The following LDLRAD3 variants were observed in gnomAD, a reference collection of about 807,000 sequenced individuals.
LDLRAD3 encodes low-density lipoprotein receptor class A domain-containing protein 3.
Under a neutral mutation model 29.4 loss-of-function variants are expected in LDLRAD3, and 20 were observed. The observed-to-expected ratio is 0.68, with a 90% CI of 0.48 to 0.99. The LOEUF (loss-of-function observed/expected upper bound fraction) is 0.99, where lower values mean the gene tolerates loss of function less well. Among genes scored for constraint, LDLRAD3 ranks in the 50% least tolerant of loss-of-function variants. The pLI is 0.00. For missense variants in LDLRAD3, 420 were observed against 454.3 expected, an observed-to-expected ratio of 0.92 and a Z score of 0.69; for synonymous variants, 157 against 192.7, an observed-to-expected ratio of 0.81 and a Z score of 1.53.
intron 1 of LDLRAD3, among the ~76,000 whole-genome samples, chr11:35,969,170 C>T (rs766090379): frequency 3.3e-5 from 5 of 152,220 alleles, no homozygotes; most frequent in African/African-American, 4.8e-5. Flanking sequence ...CCTCTGTCTT[C>T]TCGGTCGAGG....
In LDLRAD3 at chr11:36,107,320, C is replaced by T. The variant is rs895226992; in HGVS notation, c.454+8859C>T. On this transcript the variant is annotated intron_variant, in intron 4 of 5. Transcript: ENST00000315571. Reference sequence around the variant, plus strand: ...GGTTCAAGCAGTTCTCCTGCCACAGCCTCCCGAGTAGCTGAGAGGCGCCCG... The same window carrying T: ...GGTTCAAGCAGTTCTCCTGCCACAGTCTCCCGAGTAGCTGAGAGGCGCCCG... 1.4e-4 allele frequency among the ~76,000 whole-genome samples: 22 copies of T among 152,094 alleles called. 1 individual carries two copies. The South Asian group carries it at 3.7e-3, about 26-fold the overall frequency.
chr11:36,195,641 CA>C (rs1427670629), intron 4 of LDLRAD3, among the ~76,000 whole-genome samples: 1 of 152,176 alleles, frequency 6.6e-6, no homozygotes, highest in Non-Finnish European at 1.5e-5. Flanking sequence ...GGCTGCAAAA[CA>C]GCCCTTCGAT....
At chr11:36,015,377 G>C (rs1164786352) in intron 1 of LDLRAD3, among the ~76,000 whole-genome samples, 1 of 133,128 alleles carries the variant, frequency 7.5e-6, no homozygotes, top group East Asian at 2.2e-4. Flanking sequence ...GTGAACTCTT[G>C]GACTTGATAG....
chr11:36,008,516 T>C (rs1851913108), intron 1 of LDLRAD3, among the ~76,000 whole-genome samples: 1 of 152,220 alleles, frequency 6.6e-6, no homozygotes. Flanking sequence ...TAAATGCTCC[T>C]ATTGCAAGAT....
chr11:36,088,166 G>A (rs1853223609), intron 3 of LDLRAD3, among the ~76,000 whole-genome samples: 1 of 151,968 alleles, frequency 6.6e-6, no homozygotes, highest in Non-Finnish European at 1.5e-5. Context: ...CCCAAAACCA[G>A]TATTTTCTTT....
Position 36,207,844 on chromosome 11 carries a change from G to A in LDLRAD3, c.455-19241G>A, listed in dbSNP as rs1291605614. ...TGGAGCGAGGGCAGAGAGAGAACAC[G>A]GGGGCTGCTCAGAGAGGGCCTCCTA... On this transcript the variant is annotated intron_variant, in intron 4 of 5. Coordinates refer to ENST00000315571, the MANE Select transcript of LDLRAD3 (RefSeq NM_174902.4). 3.3e-5 allele frequency among the ~76,000 whole-genome samples: 5 copies of A among 152,180 alleles called. 1 individual carries two copies. In the South Asian group the frequency reaches 1.0e-3, roughly 32 times the overall value.
chr11:36,168,573 A>AT (rs1438056926), intron 4 of LDLRAD3, among the ~76,000 whole-genome samples: 2 of 118,024 alleles, frequency 1.7e-5, no homozygotes, highest in African/African-American at 3.3e-5. Flanking sequence ...ATCAGGAGTT[A>AT]TTTTTCTGCT....
Position 36,036,114 on chromosome 11 carries a change from C to A in LDLRAD3, c.58C>A (p.Leu20Ile). Residue 20 changes from leucine to isoleucine, a missense_variant, in exon 2 of 6, where the codon CTC becomes ATC. Around this residue, in one of 3 missense-constraint regions of LDLRAD3, gnomAD observed 224 missense variants for 222.2 expected, o/e 1.01. Coordinates refer to ENST00000315571, the MANE Select transcript of LDLRAD3 (RefSeq NM_174902.4). Reference sequence around the variant, plus strand: ...CCTCTCTCTGACAGAGAGCCAGCTGCTCCCCGGGAACAACTTCACCAATGA... The same window carrying A: ...CCTCTCTCTGACAGAGAGCCAGCTGATCCCCGGGAACAACTTCACCAATGA... ...LLSSAAESQLLPGNNFTNECN... is the reference protein window; with the variant it reads ...LLSSAAESQLIPGNNFTNECN... 1.9e-6 allele frequency: 3 copies of A among 1,613,892 alleles called. No homozygotes were observed. Among genetic ancestry groups the A allele is most frequent in the Non-Finnish European group, 2.5e-6 (3 of 1,179,864 alleles).
At chr11:36,040,735 GGC>G (rs1314005898) in intron 2 of LDLRAD3, among the ~76,000 whole-genome samples, 5 of 152,128 alleles carry the variant, frequency 3.3e-5, no homozygotes, top group South Asian at 4.2e-4. Flanking sequence ...CGCCTTTTCT[GGC>G]TCTTGACACC....
chr11:35,956,174 C>T (rs1036334799), intron 1 of LDLRAD3, among the ~76,000 whole-genome samples: 2 of 152,074 alleles, frequency 1.3e-5, no homozygotes, highest in Non-Finnish European at 2.9e-5. Flanking sequence ...TATTATTAAG[C>T]TTTCATGTTA....
At chr11:36,056,978 TCAAA>T (rs1852630718) in intron 2 of LDLRAD3, among the ~76,000 whole-genome samples, 1 of 152,184 alleles carries the variant, frequency 6.6e-6, no homozygotes, top group Non-Finnish European at 1.5e-5. Flanking sequence ...TGATTGAATT[TCAAA>T]CAACCCCCCA....
intron 3 of LDLRAD3, among the ~76,000 whole-genome samples, chr11:36,082,229 C>T (rs1329609746): frequency 6.6e-6 from 1 of 152,138 alleles, no homozygotes; most frequent in Non-Finnish European, 1.5e-5. Context: ...AAAAAGTTGG[C>T]CAGGTGTGGT....
At chr11:36,014,194 T>G (rs1214406513) in intron 1 of LDLRAD3, among the ~76,000 whole-genome samples, 2 of 152,122 alleles carry the variant, frequency 1.3e-5, no homozygotes, top group African/African-American at 4.8e-5. Flanking sequence ...TTACTGGGGT[T>G]GGAGAGGTGT....
At chr11:36,154,241 A>G (rs901728917) in intron 4 of LDLRAD3, among the ~76,000 whole-genome samples, 1 of 152,196 alleles carries the variant, frequency 6.6e-6, no homozygotes, top group Admixed American at 6.5e-5. Context: ...ACCTTTAAAC[A>G]TCTGGGGGAC....
At chr11:36,035,957 A>G (rs557306410) in intron 1 of LDLRAD3, 146 bp from the exon 2 acceptor site, 3 of 697,034 alleles carry the variant, frequency 4.3e-6, no homozygotes, top group South Asian at 4.3e-5. Context: ...TTATTAGTCC[A>G]TTTCACAGAT....
chr11:36,045,583 C>G (rs1852437461), intron 2 of LDLRAD3, among the ~76,000 whole-genome samples: 1 of 152,062 alleles, frequency 6.6e-6, no homozygotes, highest in Non-Finnish European at 1.5e-5. Flanking sequence ...GCTCTGTGTC[C>G]CCACCCAAAT....
intron 4 of LDLRAD3, among the ~76,000 whole-genome samples, chr11:36,203,007 G>A (rs940923): frequency 0.065 from 9,895 of 152,244 alleles, 425 homozygotes; most frequent in East Asian, 0.17. Flanking sequence ...TGCCGTCATA[G>A]CACACTGTGA....
rs1301989495 is a variant in LDLRAD3 at position 36,098,539 on chromosome 11, A to T, written c.454+78A>T. On this transcript the variant is annotated intron_variant, in intron 4 of 5. Transcript: ENST00000315571. Reference sequence around the variant, plus strand: ...TGGAACACCCTGAAAGGCAGAAAGCAACACCCATTCCCATTCCAAACACAA... The same window carrying T: ...TGGAACACCCTGAAAGGCAGAAAGCTACACCCATTCCCATTCCAAACACAA... 12 of 1,530,376 alleles carry T rather than the reference A, an allele frequency of 7.8e-6. No homozygotes were observed. The East Asian group carries it at 2.7e-4, about 35-fold the overall frequency. The allele number at this position is 1,530,376 out of a possible 1,614,324, so 94.8% of individuals were successfully genotyped here.
chr11:36,153,228 G>C (rs1292514738), intron 4 of LDLRAD3, among the ~76,000 whole-genome samples: 1 of 151,876 alleles, frequency 6.6e-6, no homozygotes, highest in Non-Finnish European at 1.5e-5. Flanking sequence ...TTGTAGATGT[G>C]GTATCCCCAC....
Sources: gnomAD v4.1 joint callset for allele counts (sites outside exome capture counted in the v4.1 genomes callset) on GRCh38, gnomAD v4.1.1 for gene constraint, gnomAD v4.1.1 regional missense constraint, MANE v1.5 for transcripts, NCBI Gene and HGNC (gene_info 2026-07-23, HGNC 2026-07-21) for gene names.